MME: variants seen among roughly 807,000 people sequenced by gnomAD.
The protein encoded by MME is membrane metalloendopeptidase.
In MME, 98 loss-of-function variants were observed where a neutral mutation model predicts 113.2. The ratio of observed to expected loss-of-function variants is 0.87; its 90% CI spans 0.74 to 1.02. The LOEUF (loss-of-function observed/expected upper bound fraction) is 1.02. Among genes scored for constraint, MME ranks in the 50% least tolerant of loss-of-function variants. MME has a pLI of 0.00. For synonymous variants in MME, 292 were observed against 300.6 expected, an observed-to-expected ratio of 0.97 and a Z score of 0.30; for missense variants, 836 against 896.0, an observed-to-expected ratio of 0.93 and a Z score of 0.86.
intron 3 of MME, among the ~76,000 whole-genome samples, chr3:155,103,688 T>C (rs1717452761): frequency 6.6e-6 from 1 of 152,224 alleles, no homozygotes; most frequent in African/African-American, 2.4e-5. Flanking sequence ...TTTCCAACTG[T>C]GGTTTGTTCT....
At chr3:155,069,799 G>T (rs1559899060) in intron 1 of MME, among the ~76,000 whole-genome samples, 1 of 152,064 alleles carries the variant, frequency 6.6e-6, no homozygotes, top group Non-Finnish European at 1.5e-5. Context: ...CTAGGAATAG[G>T]CTCCATTACC....
Position 155,102,434 on chromosome 3 carries a change from G to A in MME, c.197-12560G>A, listed in dbSNP as rs7626010. Among the ~76,000 whole-genome samples the A allele has an allele frequency of 8.7e-3, 1,317 of 152,124 alleles. 23 individuals carry two copies. The highest frequency in any genetic ancestry group is 0.03 in the African/African-American group (1,241 of 41,474). On this transcript the variant is annotated intron_variant, in intron 3 of 22. Coordinates refer to ENST00000360490, the MANE Select transcript of MME (RefSeq NM_007289.4). ...TCTCAAAAATTGTGCATATCATACCGATCTGATAACTCATTGCACTGTTGA... is the reference window on the plus strand; with the variant it reads ...TCTCAAAAATTGTGCATATCATACCAATCTGATAACTCATTGCACTGTTGA...
At chr3:155,029,027 T>C (rs1482360105) in intron 1 of MME, among the ~76,000 whole-genome samples, 4 of 152,184 alleles carry the variant, frequency 2.6e-5, no homozygotes, top group Non-Finnish European at 4.4e-5. Flanking sequence ...GCAAAAACTT[T>C]TAATCTTTGA....
chr3:155,063,659 TAAC>T lies in MME; in HGVS notation c.-10-20497_-10-20495del, dbSNP rs1714266477. Among the ~76,000 whole-genome samples, 10 of 117,738 alleles carry T rather than the reference TAAC, an allele frequency of 8.5e-5. No individual in the cohort carries two copies. In the South Asian group the frequency reaches 9.9e-4, roughly 12 times the overall value. The allele number at this position is 117,738 out of a possible 152,430, so 77.2% of individuals were successfully genotyped here. A position where few individuals can be genotyped will look rare whatever the true frequency, so the allele number is the denominator to read the frequency against. On this transcript the variant is annotated intron_variant, in intron 1 of 22. Transcript: ENST00000492661. Reference sequence around the variant, plus strand: ...TGATTATATATTATATTTGATTATATAACATATTATATATTATATTATATTATA... The same window carrying T: ...TGATTATATATTATATTTGATTATATATATTATATATTATATTATATTATA...
intron 12 of MME, among the ~76,000 whole-genome samples, chr3:155,142,599 T>C (rs556762217): frequency 5.9e-5 from 9 of 152,296 alleles, no homozygotes; most frequent in South Asian, 2.1e-4. Context: ...GAAAGAATAC[T>C]GTCTGGATTT....
chr3:155,125,096 G>T (rs1023612531), intron 8 of MME, among the ~76,000 whole-genome samples: 1 of 138,362 alleles, frequency 7.2e-6, no homozygotes, highest in Admixed American at 7.6e-5. Flanking sequence ...GACCCTCCGA[G>T]CCAGGTGTGG....
chr3:155,087,032 T>G (rs1254793952), intron 3 of MME, among the ~76,000 whole-genome samples: 2 of 149,458 alleles, frequency 1.3e-5, no homozygotes, highest in African/African-American at 4.9e-5. Context: ...AGACAGGGTC[T>G]CACTATGTTG....
At chr3:155,025,381 T>C (rs1037016454) in intron 1 of MME, among the ~76,000 whole-genome samples, 1 of 151,994 alleles carries the variant, frequency 6.6e-6, no homozygotes, top group Non-Finnish European at 1.5e-5. Flanking sequence ...ATGGATCACT[T>C]TGGGAGGCCG....
upstream of MME, among the ~76,000 whole-genome samples, chr3:155,079,137 A>G (rs1381290948): frequency 4.6e-5 from 7 of 151,628 alleles, no homozygotes; most frequent in African/African-American, 1.4e-4. Flanking sequence ...GGGAAGAAAG[A>G]GGGAAGCGGG....
At chr3:155,077,099 C>G (rs1405284078), upstream of MME, among the ~76,000 whole-genome samples, 1 of 152,150 alleles carries the variant, frequency 6.6e-6, no homozygotes, top group Non-Finnish European at 1.5e-5. Flanking sequence ...CCTTATTTTA[C>G]CCGGCCCCTA....
chr3:155,084,227 G>A lies in MME; in HGVS notation c.60G>A (p.Lys20=). The A allele has an allele frequency of 6.2e-7, 1 of 1,614,102 alleles. No individual in the cohort carries two copies. The highest frequency in any genetic ancestry group is 8.5e-7 in the Non-Finnish European group (1 of 1,179,994). ...ATATCAACACTCCAAAGCCAAAGAA[G>A]AAACAGCGATGGACTCCACTGGAGA... ...ITDINTPKPK[K]KQRWTPLEIS... Residue 20 remains lysine, a synonymous_variant, in exon 2 of 23, where the codon AAG becomes AAA. Coordinates refer to ENST00000360490, the MANE Select transcript of MME (RefSeq NM_007289.4).
intron 1 of MME, among the ~76,000 whole-genome samples, chr3:155,061,809 C>T (rs1238868448): frequency 6.6e-6 from 1 of 151,812 alleles, no homozygotes; most frequent in Non-Finnish European, 1.5e-5. Flanking sequence ...TTACAGGCAC[C>T]TGCCACACTC....
rs557576305 is a variant in MME at position 155,166,863 on chromosome 3, A to G, written c.1661-39A>G. 13 of 1,613,030 alleles carry G rather than the reference A, an allele frequency of 8.1e-6. No homozygotes were observed. The African/African-American group carries it at 1.7e-4, about 22-fold the overall frequency. ...AAGAAAATAAAAATTTTAAAAACTT[A>G]TGCCACAAATAATCTCTAACTATCT... On this transcript the variant is annotated intron_variant, in intron 17 of 22. Transcript: ENST00000360490.
intron 16 of MME, among the ~76,000 whole-genome samples, chr3:155,151,510 G>A (rs1488822853): frequency 6.6e-6 from 1 of 152,056 alleles, no homozygotes; most frequent in African/African-American, 2.4e-5. Context: ...CTGAATATTT[G>A]TATTTGACTC....
chr3:155,154,479 G>GA (rs1194639775), intron 16 of MME, among the ~76,000 whole-genome samples: 1 of 152,170 alleles, frequency 6.6e-6, no homozygotes, highest in Non-Finnish European at 1.5e-5. Context: ...GGCTGTGCTA[G>GA]ACTGTAGAAT....
At chr3:155,085,616 C>T (rs1715631799) in intron 3 of MME, 1 of 152,442 alleles carries the variant, frequency 6.6e-6, no homozygotes, top group African/African-American at 2.4e-5. Flanking sequence ...ACTGCAATCT[C>T]CGCCTCCCGG....
intron 16 of MME, among the ~76,000 whole-genome samples, chr3:155,154,361 T>C (rs1447150431): frequency 6.6e-6 from 1 of 152,132 alleles, no homozygotes; most frequent in East Asian, 1.9e-4. Context: ...GACACTGTAG[T>C]TTTGCCACTG....
intron 3 of MME, among the ~76,000 whole-genome samples, chr3:155,111,732 G>T (rs1333962114): frequency 6.6e-6 from 1 of 152,088 alleles, no homozygotes; most frequent in African/African-American, 2.4e-5. Context: ...TCTGAGTAGA[G>T]TTCATTGCTC....
chr3:155,130,602 G>T (rs939104011), intron 8 of MME, among the ~76,000 whole-genome samples: 1 of 152,146 alleles, frequency 6.6e-6, no homozygotes, highest in Non-Finnish European at 1.5e-5. Context: ...ATGACCCAGA[G>T]TCTGTGCTCC....
Sources: gnomAD v4.1 joint callset for allele counts (sites outside exome capture counted in the v4.1 genomes callset) on GRCh38, gnomAD v4.1.1 for gene constraint, MANE v1.5 for transcripts, NCBI Gene and HGNC (gene_info 2026-07-23, HGNC 2026-07-21) for gene names.